The following LTV1 variants were observed in gnomAD, a reference collection of about 807,000 sequenced individuals.
LTV1 encodes the protein LTV1 ribosome biogenesis factor, also known as protein LTV1 homolog.
A neutral mutation model predicts 59.9 loss-of-function variants in LTV1; 39 were observed. The ratio of observed to expected loss-of-function variants is 0.65; its 90% confidence interval spans 0.50 to 0.85. The LOEUF (loss-of-function observed/expected upper bound fraction) is 0.85. LTV1 is among the 40% of genes least tolerant of loss of function. The pLI is 0.00. For synonymous variants in LTV1, 171 were observed against 189.5 expected, an observed-to-expected ratio of 0.90 and a Z score of 0.80; for missense variants, 493 against 549.1, an observed-to-expected ratio of 0.90 and a Z score of 1.02.
chr6:143,849,679 T>G (rs1485184800), intron 3 of LTV1, among the ~76,000 whole-genome samples: 1 of 152,212 alleles, frequency 6.6e-6, no homozygotes, highest in South Asian at 2.1e-4. Flanking sequence ...TTCCTAGGAC[T>G]GCAGTAACAA....
At chr6:143,852,823 G>C (rs148844121) in intron 4 of LTV1, among the ~76,000 whole-genome samples, 2 of 152,112 alleles carry the variant, frequency 1.3e-5, no homozygotes, top group Non-Finnish European at 2.9e-5. Context: ...TATTAAATAC[G>C]GAATCCTTTC....
chr6:143,844,617 A>G lies in LTV1; in HGVS notation c.135A>G (p.Lys45=). 2 of 1,613,324 alleles carry G rather than the reference A, an allele frequency of 1.2e-6. No homozygotes were observed. The highest frequency in any genetic ancestry group is 1.1e-5 in the South Asian group (1 of 90,890). ...APQRVLLPTQ[K]IDNEERRAEQ... is the part of the protein sequence containing the mutation. ...AGAGGGTTCTATTGCCCACACAAAAAGTAGGTCCTGTTCTTTAGCCAGTCA... is the reference window on the plus strand; with the variant it reads ...AGAGGGTTCTATTGCCCACACAAAAGGTAGGTCCTGTTCTTTAGCCAGTCA... The change falls in exon 2 of 11, where the codon AAA becomes AAG. Residue 45 remains lysine (K), a splice_region_variant and synonymous_variant. Transcript: ENST00000367576.
intron 1 of LTV1, 85 bp downstream of exon 1, chr6:143,843,565 G>A (rs1037598794): frequency 1.9e-6 from 3 of 1,566,594 alleles, no homozygotes; most frequent in Non-Finnish European, 2.6e-6. Flanking sequence ...TGGCTACTGC[G>A]GCCCGGGTCT....
chr6:143,857,499 TG>T lies in LTV1; in HGVS notation c.539+58del. ...GATGACCTAAGTGTTACTGCTTCAGTGGGATGGTAACCATAGAACGTTACAG... is the reference window on the plus strand; with the variant it reads ...GATGACCTAAGTGTTACTGCTTCAGTGGATGGTAACCATAGAACGTTACAG... On this transcript the variant is annotated intron_variant, in intron 5 of 10. Transcript: ENST00000367576. The surrounding 1 kb of genome is among the most constrained non-coding windows in gnomAD (Gnocchi z 5.2). 1 of 1,469,506 alleles carries T rather than the reference TG, an allele frequency of 6.8e-7. No homozygotes were observed. The highest frequency in any genetic ancestry group is 9.5e-7 in the Non-Finnish European group (1 of 1,052,024). The allele number at this position is 1,469,506 out of a possible 1,614,324, so 91.0% of individuals were successfully genotyped here.
rs959789745 is a variant in LTV1 at position 143,857,071 on chromosome 6, T to C, written c.398-232T>C. On this transcript the variant is annotated intron_variant, in intron 4 of 10. Coordinates refer to ENST00000367576, the MANE Select transcript of LTV1 (RefSeq NM_032860.5). This position sits in a 1 kb window ranked among gnomAD's most constrained non-coding sequence, Gnocchi z 5.2. ...CCCCAGGTGCTCTGTCCCAGGAAGA[T>C]GGGAGTTTTATTTATAAGGTCCTGA... Among the ~76,000 whole-genome samples the C allele has an allele frequency of 1.3e-5, 2 of 152,192 alleles. No individual in the cohort carries two copies. Among genetic ancestry groups the C allele is most frequent in the African/African-American group, 4.8e-5 (2 of 41,452 alleles).
intron 4 of LTV1, among the ~76,000 whole-genome samples, chr6:143,852,836 C>T (rs1203125672): frequency 6.6e-6 from 1 of 152,120 alleles, no homozygotes; most frequent in Non-Finnish European, 1.5e-5. Context: ...ATCCTTTCCC[C>T]ATTGCTTGTT....
intron 4 of LTV1, among the ~76,000 whole-genome samples, chr6:143,850,927 A>G (rs1466358455): frequency 6.6e-6 from 1 of 152,178 alleles, no homozygotes; most frequent in Admixed American, 6.5e-5. Flanking sequence ...TAGTGGGGTG[A>G]GTAGCACCAA....
intron 4 of LTV1, among the ~76,000 whole-genome samples, chr6:143,854,351 T>A (rs112278053): frequency 6.6e-6 from 1 of 152,252 alleles, no homozygotes; most frequent in African/African-American, 2.4e-5. Context: ...TTCTTCTTTA[T>A]TAGTCTGGCT....
At chr6:143,852,537 T>C (rs918666883) in intron 4 of LTV1, among the ~76,000 whole-genome samples, 3 of 152,216 alleles carry the variant, frequency 2.0e-5, no homozygotes, top group Non-Finnish European at 2.9e-5. Flanking sequence ...ACTCTGATGA[T>C]AGTTTCTTTT....
At position 143,862,816 on chromosome 6, in the gene LTV1, G is replaced by A; in HGVS notation, c.1064-28G>A. ...TTGTGGAACTGAAAACATGCTTACT[G>A]ATACATGACTTTTATTTGTTTGTTT... On this transcript the variant is annotated intron_variant, in intron 8 of 10. Coordinates refer to ENST00000367576, the MANE Select transcript of LTV1 (RefSeq NM_032860.5). This position sits in a 1 kb window ranked among gnomAD's most constrained non-coding sequence, Gnocchi z 4.2. 7.2e-7 allele frequency: 1 copy of A among 1,384,604 alleles called. No individual in the cohort carries two copies. Among genetic ancestry groups the A allele is most frequent in the Non-Finnish European group, 1.0e-6 (1 of 971,614 alleles). 85.8% of individuals were successfully genotyped at this position (1,384,604 alleles called of 1,614,324 possible).
At position 143,855,988 on chromosome 6, in the gene LTV1, G is replaced by T. The variant is rs1777069857; in HGVS notation, c.398-1315G>T. 6.6e-6 allele frequency among the ~76,000 whole-genome samples: 1 copy of T among 152,016 alleles called. No homozygotes were observed. Among genetic ancestry groups the T allele is most frequent in the Non-Finnish European group, 1.5e-5 (1 of 68,022 alleles). On this transcript the variant is annotated intron_variant, in intron 4 of 10. Transcript: ENST00000367576. This position sits in a 1 kb window ranked among gnomAD's most constrained non-coding sequence, Gnocchi z 4.6. ...TTTGAATGTTGGCCTCTCTTGCTAG[G>T]TTGGGTAAGTTCTCCTGGATAATAT...
At chr6:143,859,020 C>T (rs944023961) in intron 6 of LTV1, among the ~76,000 whole-genome samples, 3 of 152,046 alleles carry the variant, frequency 2.0e-5, no homozygotes, top group African/African-American at 7.2e-5. Flanking sequence ...TCTTATTTTC[C>T]CCCTTGAATT....
intron 7 of LTV1, among the ~76,000 whole-genome samples, chr6:143,861,403 C>T (rs1239433733): frequency 6.7e-6 from 1 of 150,296 alleles, no homozygotes; most frequent in East Asian, 2.0e-4. Flanking sequence ...CCACTGCTTC[C>T]AGCCTGGGTG....
Position 143,844,588 on chromosome 6 carries a change from C to T in LTV1, c.106C>T (p.Pro36Ser), listed in dbSNP as rs1411327827. 6 of 1,613,970 alleles carry T rather than the reference C, an allele frequency of 3.7e-6. No homozygotes were observed. In the African/African-American group the frequency reaches 8.0e-5, roughly 22 times the overall value. Reference protein sequence around the residue: ...RDPLAADESAPQRVLLPTQKI... With the variant: ...RDPLAADESASQRVLLPTQKI... ...TCCTTTAGCAGCAGATGAGAGTGCACCCCAGAGGGTTCTATTGCCCACACA... is the reference window on the plus strand; with the variant it reads ...TCCTTTAGCAGCAGATGAGAGTGCATCCCAGAGGGTTCTATTGCCCACACA... Residue 36 changes from proline to serine, a missense_variant, in exon 2 of 11, where the codon CCC becomes TCC. Coordinates refer to ENST00000367576, the MANE Select transcript of LTV1 (RefSeq NM_032860.5).
intron 4 of LTV1, among the ~76,000 whole-genome samples, chr6:143,851,880 A>G (rs1776988063): frequency 1.3e-5 from 2 of 152,172 alleles, no homozygotes; most frequent in African/African-American, 2.4e-5. Context: ...AGCTTCATCC[A>G]TGTCCCTGCA....
Position 143,850,238 on chromosome 6 carries a change from CT to C in LTV1, c.397+24del, listed in dbSNP as rs773921569. 6.4e-7 allele frequency: 1 copy of C among 1,565,942 alleles called. No individual in the cohort carries two copies. On this transcript the variant is annotated intron_variant, in intron 4 of 10. Transcript: ENST00000367576. ...TTTCAGGTATTTTTAATTGCTTTAT[CT>C]TTTCATATGGATAAATGTATTTTGC...
chr6:143,851,767 C>T (rs1256309181), intron 4 of LTV1, among the ~76,000 whole-genome samples: 2 of 152,034 alleles, frequency 1.3e-5, no homozygotes, highest in African/African-American at 4.8e-5. Flanking sequence ...TGTTCCCCTC[C>T]CTGTGTCCAT....
At position 143,846,060 on chromosome 6, in the gene LTV1, G is replaced by A. The variant is rs1241196168; in HGVS notation, c.145G>A (p.Glu49Lys). Residue 49 changes from glutamate to lysine, a missense_variant, in exon 3 of 11, where the codon GAA (glutamate) becomes AAA (lysine). Transcript: ENST00000367576. ...VLLPTQKIDN[E>K]ERRAEQRKYG... Reference sequence around the variant, plus strand: ...TCCATTTCGTTTATAGATAGACAATGAAGAAAGGCGAGCAGAACAGAGGAA... The same window carrying A: ...TCCATTTCGTTTATAGATAGACAATAAAGAAAGGCGAGCAGAACAGAGGAA... 6.2e-7 allele frequency: 1 copy of A among 1,612,790 alleles called. No homozygotes were observed. Among genetic ancestry groups the A allele is most frequent in the Non-Finnish European group, 8.5e-7 (1 of 1,179,626 alleles).
At chr6:143,844,277 T>C (rs1004376284) in intron 1 of LTV1, among the ~76,000 whole-genome samples, 1 of 152,258 alleles carries the variant, frequency 6.6e-6, no homozygotes, top group Admixed American at 6.5e-5. Flanking sequence ...TAACAAGGTC[T>C]GGCACAAAGT....
Sources: allele counts gnomAD v4.1 joint callset (sites outside exome capture counted in the v4.1 genomes callset), GRCh38; gene constraint gnomAD v4.1.1; non-coding constraint Gnocchi (gnomAD v3.1); transcripts MANE v1.5; gene names NCBI Gene and HGNC (gene_info 2026-07-23, HGNC 2026-07-21).